The following SSH1 variants were observed in gnomAD, a reference collection of about 807,000 sequenced individuals.
SSH1 encodes slingshot protein phosphatase 1.
In SSH1, 43 loss-of-function variants were observed where a neutral mutation model predicts 79.7. That is an observed-to-expected ratio of 0.54 (90% CI 0.42 to 0.70). SSH1 has a LOEUF of 0.70. Among genes scored for constraint, SSH1 ranks in the 30% least tolerant of loss-of-function variants. The pLI is 0.00. For missense variants in SSH1, 1,206 were observed against 1,358.8 expected (o/e 0.89, Z 1.77); for synonymous variants, 599 against 538.3 (o/e 1.11, Z -1.56).
At position 108,788,507 on chromosome 12, in the gene SSH1, G is replaced by A. The variant is rs138260620; in HGVS notation, c.2631C>T (p.Ala877=). 1,664 of 1,559,328 alleles carry A rather than the reference G, an allele frequency of 1.1e-3. 1 individual carries two copies. The highest frequency in any genetic ancestry group is 1.3e-3 in the Non-Finnish European group (1,518 of 1,154,338). ...ELGPLVMPSQ[A]GSDEKSEAAP... is the part of the protein sequence containing the mutation. The stretch of plus-strand genomic sequence containing the variant: ...CGGCCTCTGACTTCTCATCACTCCC[G>A]GCCTGGCTGGGCATAACCAGGGGGC... The change falls in exon 15 of 15, where the codon GCC becomes GCT. Residue 877 remains alanine (A), a synonymous_variant. Coordinates refer to ENST00000326495, the MANE Select transcript of SSH1 (RefSeq NM_018984.4).
chr12:108,793,109 T>A (rs1389132912), intron 13 of SSH1, among the ~76,000 whole-genome samples: 2 of 152,168 alleles, frequency 1.3e-5, no homozygotes, highest in Non-Finnish European at 2.9e-5. Context: ...CGTCTAGACT[T>A]CAATCTGTGT....
At chr12:108,804,577 C>T (rs2037181244) in intron 10 of SSH1, among the ~76,000 whole-genome samples, 3 of 152,232 alleles carry the variant, frequency 2.0e-5, no homozygotes, top group Non-Finnish European at 2.9e-5. Context: ...GCTGTCTGGA[C>T]AAGCTCAGCG....
At chr12:108,831,725 T>G (rs1346527263) in intron 2 of SSH1, among the ~76,000 whole-genome samples, 2 of 152,218 alleles carry the variant, frequency 1.3e-5, no homozygotes, top group Non-Finnish European at 2.9e-5. Context: ...TGTACCTTAT[T>G]GTGAACCCAG....
chr12:108,781,534 A>G lies in SSH1; in HGVS notation c.*6454T>C, dbSNP rs2036146688. ...GTTTATTCATCAGTCTTTTGAGTCC[A>G]GTTGAGAGACAGAGCAAGTCCAGAT... On this transcript the variant is annotated 3_prime_UTR_variant, in exon 15 of 15. Transcript: ENST00000326495. 6.6e-6 allele frequency: 1 copy of G among 152,270 alleles called. No individual in the cohort carries two copies. The highest frequency in any genetic ancestry group is 1.5e-5 in the Non-Finnish European group (1 of 68,046). 9.4% of individuals were successfully genotyped at this position (152,270 alleles called of 1,614,324 possible).
At position 108,785,017 on chromosome 12, in the gene SSH1, G is replaced by C. The variant is rs542588466; in HGVS notation, c.*2971C>G. On this transcript the variant is annotated 3_prime_UTR_variant, in exon 15 of 15. Coordinates refer to ENST00000326495, the MANE Select transcript of SSH1 (RefSeq NM_018984.4). Reference sequence around the variant, plus strand: ...CATACAAAGCAAGGGCCAAGCTATGGCATATGTTACAGTGCAAACTTCCTT... The same window carrying C: ...CATACAAAGCAAGGGCCAAGCTATGCCATATGTTACAGTGCAAACTTCCTT... The C allele has an allele frequency of 6.6e-6, 1 of 152,214 alleles. No homozygotes were observed. The highest frequency in any genetic ancestry group is 2.4e-5 in the African/African-American group (1 of 41,444). The allele number at this position is 152,214 out of a possible 1,614,324, so 9.4% of individuals were successfully genotyped here.
chr12:108,804,074 T>A (rs936097527), intron 10 of SSH1, among the ~76,000 whole-genome samples: 40 of 152,304 alleles, frequency 2.6e-4, no homozygotes, highest in African/African-American at 2.4e-4. Context: ...TATGTATTTT[T>A]AATTTTATTT....
intron 3 of SSH1, among the ~76,000 whole-genome samples, chr12:108,822,154 T>G (rs1320201810): frequency 6.6e-6 from 1 of 151,456 alleles, no homozygotes; most frequent in Non-Finnish European, 1.5e-5. Context: ...GTGAGCAACA[T>G]AGTGAGACCT....
Position 108,779,705 on chromosome 12 carries a change from C to G in SSH1, c.*8283G>C, listed in dbSNP as rs944287067. On this transcript the variant is annotated 3_prime_UTR_variant, in exon 15 of 15. Transcript: ENST00000326495. ...TTTTTTGTTTTTTGAGACAGAGTCT[C>G]ACTCTGTCACCCAGGCTGGAGTGCA... 1 of 152,010 alleles carries G rather than the reference C, an allele frequency of 6.6e-6. No homozygotes were observed. Among genetic ancestry groups the G allele is most frequent in the Admixed American group, 6.6e-5 (1 of 15,252 alleles). 9.4% of individuals were successfully genotyped at this position (152,010 alleles called of 1,614,324 possible).
chr12:108,799,277 TCA>T, intron 12 of SSH1, 77 bp from the exon 13 acceptor site: 1 of 1,229,946 alleles, frequency 8.1e-7, no homozygotes, highest in South Asian at 1.3e-5. Context: ...TCCAACAACT[TCA>T]TTCTCTCAGG....
At chr12:108,792,886 T>G in intron 13 of SSH1, 57 bp from the exon 14 acceptor site, 1 of 1,607,142 alleles carries the variant, frequency 6.2e-7, no homozygotes, top group Non-Finnish European at 8.5e-7. Context: ...CTGGGGGTGC[T>G]GGGAAGAGTA....
intron 14 of SSH1, 115 bp from the exon 15 acceptor site, chr12:108,789,359 G>A: frequency 9.1e-7 from 1 of 1,093,140 alleles, no homozygotes; most frequent in Admixed American, 2.0e-5. Context: ...CAGGCCTGGA[G>A]GGGAGGCTCT....
chr12:108,824,746 C>G (rs1359871598), intron 2 of SSH1, among the ~76,000 whole-genome samples: 3 of 152,142 alleles, frequency 2.0e-5, no homozygotes, highest in African/African-American at 7.2e-5. Context: ...TTGTGAGACC[C>G]CGTCGTACAT....
chr12:108,799,736 G>C (rs2036907145), intron 12 of SSH1, among the ~76,000 whole-genome samples: 1 of 152,174 alleles, frequency 6.6e-6, no homozygotes, highest in African/African-American at 2.4e-5. Flanking sequence ...CAGGAGTAAG[G>C]GCGGCCGCAA....
intron 2 of SSH1, among the ~76,000 whole-genome samples, chr12:108,830,051 G>A (rs2038435324): frequency 6.6e-6 from 1 of 152,216 alleles, no homozygotes; most frequent in African/African-American, 2.4e-5. Flanking sequence ...AGGCTACAGT[G>A]AGCTGTGACC....
rs934913875 is a variant in SSH1 at position 108,785,684 on chromosome 12, C to G, written c.*2304G>C. The G allele has an allele frequency of 6.6e-6, 1 of 152,092 alleles. No homozygotes were observed. The highest frequency in any genetic ancestry group is 2.4e-5 in the African/African-American group (1 of 41,396). 9.4% of individuals were successfully genotyped at this position (152,092 alleles called of 1,614,324 possible). A position where few individuals can be genotyped will look rare whatever the true frequency, so the allele number is the denominator to read the frequency against. ...AGATTCCACACCCCACCCCCCAACT[C>G]TTTAGATAAGAAAAATTATGGCTTT... On this transcript the variant is annotated 3_prime_UTR_variant, in exon 15 of 15. Coordinates refer to ENST00000326495, the MANE Select transcript of SSH1 (RefSeq NM_018984.4).
rs2039064232 is a variant in SSH1, at chr12:108,852,557, T to C, written c.110+81A>G. 1.9e-6 allele frequency: 3 copies of C among 1,575,404 alleles called. No homozygotes were observed. The Admixed American group carries it at 5.0e-5, about 26-fold the overall frequency. On this transcript the variant is annotated intron_variant, in intron 2 of 14. Transcript: ENST00000326495. Reference sequence around the variant, plus strand: ...AAATTGGCATATTCTTTTTGAACGTTTTCCCTTTGGGAGAGGAACAAGAGC... The same window carrying C: ...AAATTGGCATATTCTTTTTGAACGTCTTCCCTTTGGGAGAGGAACAAGAGC...
At chr12:108,838,166 T>C (rs559704138) in intron 2 of SSH1, among the ~76,000 whole-genome samples, 10 of 152,188 alleles carry the variant, frequency 6.6e-5, no homozygotes, top group Non-Finnish European at 1.2e-4. Context: ...TATCGGTAGG[T>C]AATAAAAGCT....
At position 108,792,636 on chromosome 12, in the gene SSH1, A is replaced by G. The variant is rs2036559407; in HGVS notation, c.1543T>C (p.Ser515Pro). The part of the protein sequence containing the change: ...PPLPCCFRRL[S>P]DPLLPSPEDE... The stretch of plus-strand genomic sequence containing the variant: ...TCAGGGGAAGGCAGAAGGGGGTCTG[A>G]GAGTCGCCGGAAACAGCAGGGGAGG... Residue 515 changes from serine (S) to proline (P), a missense_variant, in exon 14 of 15, where the codon TCA (serine) becomes CCA (proline). Physicochemically the swap from Ser to Pro is moderately conservative, Grantham distance 74 (BLOSUM62 -1). Transcript: ENST00000326495. 6 of 1,611,586 alleles carry G rather than the reference A, an allele frequency of 3.7e-6. No individual in the cohort carries two copies. Among genetic ancestry groups the G allele is most frequent in the African/African-American group, 1.3e-5 (1 of 74,866 alleles).
chr12:108,832,281 A>T (rs2038493136), intron 2 of SSH1, among the ~76,000 whole-genome samples: 1 of 152,080 alleles, frequency 6.6e-6, no homozygotes, highest in African/African-American at 2.4e-5. Flanking sequence ...TGGGAGACAG[A>T]GGGAGACTCT....
Sources: gnomAD v4.1 joint callset for allele counts (sites outside exome capture counted in the v4.1 genomes callset) on GRCh38, gnomAD v4.1.1 for gene constraint, MANE v1.5 for transcripts, NCBI Gene and HGNC (gene_info 2026-07-23, HGNC 2026-07-21) for gene names.